The following PTPN11 variants were observed in gnomAD, a reference collection of about 807,000 sequenced individuals.
The protein encoded by PTPN11 is tyrosine-protein phosphatase non-receptor type 11.
PTPN11 carries 6 observed loss-of-function variants against 78.8 expected under a neutral mutation model. The observed-to-expected ratio is 0.08, with a 90% CI of 0.04 to 0.15. The LOEUF (loss-of-function observed/expected upper bound fraction) is 0.15. PTPN11 is among the 10% of genes least tolerant of loss of function. The pLI is 1.00. For missense variants in PTPN11, 386 were observed against 744.8 expected, an observed-to-expected ratio of 0.52 and a Z score of 5.61; for synonymous variants, 221 against 263.5, an observed-to-expected ratio of 0.84 and a Z score of 1.56.
At chr12:112,430,604 CT>C (rs112147637) in intron 1 of PTPN11, among the ~76,000 whole-genome samples, 79 of 143,402 alleles carry the variant, frequency 5.5e-4, no homozygotes, top group South Asian at 6.6e-4. Context: ...AATTACAAAA[CT>C]TTTTTTTTTT....
chr12:112,456,491 CT>C (rs2038162334), intron 6 of PTPN11, among the ~76,000 whole-genome samples: 1 of 146,370 alleles, frequency 6.8e-6, no homozygotes, highest in African/African-American at 2.5e-5. Flanking sequence ...CAGGGTCTCG[CT>C]CTGTCGCCGA....
intron 7 of PTPN11, among the ~76,000 whole-genome samples, chr12:112,473,479 C>G (rs893626543): frequency 2.0e-5 from 3 of 152,066 alleles, no homozygotes; most frequent in African/African-American, 7.2e-5. Context: ...CTGAGGGCTC[C>G]TAGAACTGTT....
At chr12:112,427,703 C>G (rs1230136779) in intron 1 of PTPN11, among the ~76,000 whole-genome samples, 1 of 151,686 alleles carries the variant, frequency 6.6e-6, no homozygotes, top group Non-Finnish European at 1.5e-5. Context: ...ACTTCCCTCT[C>G]CTTGTAACTC....
At chr12:112,424,525 G>T (rs2037574452) in intron 1 of PTPN11, among the ~76,000 whole-genome samples, 2 of 152,168 alleles carry the variant, frequency 1.3e-5, no homozygotes, top group Admixed American at 1.3e-4. Context: ...CAAGTGATGA[G>T]AGAGGCTTTG....
Position 112,444,629 on chromosome 12 carries a change from C to T in PTPN11, c.15-1647C>T, listed in dbSNP as rs536081922. On this transcript the variant is annotated intron_variant, in intron 1 of 15. Transcript: ENST00000351677. ...TTCTGGGATTACAGGTGTGAGCCAC[C>T]GCACCTGGCCTCCATGTTTCAATTT... Among the ~76,000 whole-genome samples, 55 of 152,124 alleles carry T rather than the reference C, an allele frequency of 3.6e-4. No individual in the cohort carries two copies. In the South Asian group the frequency reaches 5.0e-3, roughly 14 times the overall value.
chr12:112,425,133 C>T (rs1431102048), intron 1 of PTPN11, among the ~76,000 whole-genome samples: 1 of 151,756 alleles, frequency 6.6e-6, no homozygotes, highest in African/African-American at 2.4e-5. Flanking sequence ...AGATTACAGA[C>T]GTGAGCCACT....
chr12:112,442,830 T>TTATATA (rs71086107), intron 1 of PTPN11, among the ~76,000 whole-genome samples: 992 of 43,288 alleles, frequency 0.023, 25 homozygotes, highest in Non-Finnish European at 0.046. Flanking sequence ...CTCTCTCTTT[T>TTATATA]TATATATATA....
chr12:112,473,095 G>A (rs2038445884), intron 7 of PTPN11, 55 bp downstream of exon 7: 5 of 1,392,342 alleles, frequency 3.6e-6, no homozygotes, highest in Non-Finnish European at 5.1e-6. Flanking sequence ...TTGATTCCTA[G>A]CACCTCTGTA....
chr12:112,438,950 T>C (rs79256372), intron 1 of PTPN11, among the ~76,000 whole-genome samples: 155 of 152,276 alleles, frequency 1.0e-3, no homozygotes, highest in African/African-American at 3.5e-3. Flanking sequence ...TTCTATGTTG[T>C]TTTTGAAGGA....
At chr12:112,468,801 C>T (rs2038368465) in intron 6 of PTPN11, among the ~76,000 whole-genome samples, 1 of 152,136 alleles carries the variant, frequency 6.6e-6, no homozygotes, top group African/African-American at 2.4e-5. Context: ...CAGTGGCTCA[C>T]GCCTGTAATC....
At chr12:112,487,440 G>C (rs941830796) in intron 11 of PTPN11, among the ~76,000 whole-genome samples, 4 of 152,002 alleles carry the variant, frequency 2.6e-5, no homozygotes, top group African/African-American at 9.7e-5. Context: ...GGCCCATTCT[G>C]TTCTCTTCTA....
chr12:112,469,128 T>C (rs2038374129), intron 6 of PTPN11, among the ~76,000 whole-genome samples: 1 of 152,082 alleles, frequency 6.6e-6, no homozygotes, highest in Non-Finnish European at 1.5e-5. Context: ...CCAGCCAAAA[T>C]GAGTATTGAT....
intron 2 of PTPN11, 149 bp from the exon 3 acceptor site, chr12:112,450,169 C>G: frequency 1.5e-6 from 1 of 686,284 alleles, no homozygotes; most frequent in South Asian, 1.7e-5. Flanking sequence ...GTTATTTCAC[C>G]CATCGTATTT....
intron 1 of PTPN11, among the ~76,000 whole-genome samples, chr12:112,422,874 T>G (rs2037546691): frequency 6.6e-6 from 1 of 152,210 alleles, no homozygotes; most frequent in Non-Finnish European, 1.5e-5. Flanking sequence ...TGTTTGTAAT[T>G]GTCCTAGCAG....
chr12:112,483,622 C>G (rs1372371869), intron 10 of PTPN11, among the ~76,000 whole-genome samples: 1 of 152,126 alleles, frequency 6.6e-6, no homozygotes, highest in Non-Finnish European at 1.5e-5. Flanking sequence ...TCCCCTCCAC[C>G]CTGTAGAGAC....
intron 2 of PTPN11, among the ~76,000 whole-genome samples, chr12:112,447,467 AT>A (rs1202260750): frequency 6.6e-6 from 1 of 151,454 alleles, no homozygotes; most frequent in Admixed American, 6.6e-5. Flanking sequence ...CAACTTAAAA[AT>A]TTTTTTTTGA....
At chr12:112,449,107 G>A (rs1035335644) in intron 2 of PTPN11, among the ~76,000 whole-genome samples, 9 of 151,326 alleles carry the variant, frequency 5.9e-5, no homozygotes, top group Non-Finnish European at 4.4e-5. Context: ...GGCTGGTATC[G>A]GTCTGCTGAC....
intron 7 of PTPN11, among the ~76,000 whole-genome samples, chr12:112,476,804 C>T (rs1047074087): frequency 1.3e-5 from 2 of 151,990 alleles, no homozygotes; most frequent in African/African-American, 4.8e-5. Context: ...ACAACAACAA[C>T]AAAAACCCCT....
rs2135907515 is a variant in PTPN11, at chr12:112,482,598, C to T, written c.1224+393C>T. Among the ~76,000 whole-genome samples the T allele has an allele frequency of 6.6e-6, 1 of 152,262 alleles. No homozygotes were observed. Among genetic ancestry groups the T allele is most frequent in the East Asian group, 1.9e-4 (1 of 5,182 alleles). ...AGTGGCTACAAGGTCTGTTAGGAGGCCTCCGCAGGGGCCTATGTTGATGGC... is the reference window on the plus strand; with the variant it reads ...AGTGGCTACAAGGTCTGTTAGGAGGTCTCCGCAGGGGCCTATGTTGATGGC... On this transcript the variant is annotated intron_variant, in intron 10 of 15. Coordinates refer to ENST00000351677, the MANE Select transcript of PTPN11 (RefSeq NM_002834.5). This position sits in a 1 kb window ranked among gnomAD's most constrained non-coding sequence, Gnocchi z 4.4.
Sources: gnomAD v4.1 joint callset for allele counts (sites outside exome capture counted in the v4.1 genomes callset) on GRCh38, gnomAD v4.1.1 for gene constraint, Gnocchi (gnomAD v3.1) non-coding constraint, MANE v1.5 for transcripts, NCBI Gene and HGNC (gene_info 2026-07-23, HGNC 2026-07-21) for gene names.